The following KCNMB2 variants were observed in gnomAD, a reference collection of about 807,000 sequenced individuals.
KCNMB2 encodes the protein calcium-activated potassium channel subunit beta-2.
Under a neutral mutation model 24.5 loss-of-function variants are expected in KCNMB2, and 9 were observed. The ratio of observed to expected loss-of-function variants is 0.37; its 90% CI spans 0.22 to 0.64. The LOEUF is 0.64. KCNMB2 is among the 30% of genes least tolerant of loss of function. The pLI, the probability that KCNMB2 is intolerant of heterozygous loss-of-function variation, is 0.63. For synonymous variants in KCNMB2, 109 were observed against 104.4 expected (o/e 1.04, Z -0.27); for missense variants, 226 against 284.3 (o/e 0.79, Z 1.47).
Position 178,573,234 on chromosome 3 carries a change from C to A in KCNMB2, c.-68+36523C>A, listed in dbSNP as rs534290479. Among the ~76,000 whole-genome samples, 6 of 152,144 alleles carry A rather than the reference C, an allele frequency of 3.9e-5. No homozygotes were observed. The South Asian group carries it at 8.3e-4, about 21-fold the overall frequency. ...ATGTTGACCAGGCTAGTCTCGAATT[C>A]CTGACCTCAGGTGATCCACCTGCTT... On this transcript the variant is annotated intron_variant, in intron 1 of 4. Coordinates refer to ENST00000452583, the MANE Select transcript of KCNMB2 (RefSeq NM_181361.3).
intron 1 of KCNMB2, among the ~76,000 whole-genome samples, chr3:178,550,457 C>CAAAAAA (rs71671909): frequency 1.1e-4 from 5 of 46,018 alleles, no homozygotes; most frequent in Admixed American, 2.9e-4. Context: ...GACTCCGTCT[C>CAAAAAA]AAAAAAAAAA....
intron 1 of KCNMB2, among the ~76,000 whole-genome samples, chr3:178,559,792 T>C (rs1042173271): frequency 4.0e-5 from 6 of 150,894 alleles, no homozygotes; most frequent in African/African-American, 1.5e-4. Context: ...AAAATGATTA[T>C]TAATAGCCTG....
chr3:178,693,787 C>T (rs1721768354), intron 1 of KCNMB2, among the ~76,000 whole-genome samples: 1 of 152,036 alleles, frequency 6.6e-6, no homozygotes, highest in Non-Finnish European at 1.5e-5. Flanking sequence ...GCCCCTAGTC[C>T]TCAATATTTT....
chr3:178,574,413 T>C (rs1165619406), intron 1 of KCNMB2, among the ~76,000 whole-genome samples: 1 of 152,256 alleles, frequency 6.6e-6, no homozygotes, highest in Non-Finnish European at 1.5e-5. Flanking sequence ...TAAGTATTTC[T>C]TCATGTTCAA....
At chr3:178,835,953 C>T (rs551931129) in intron 4 of KCNMB2, among the ~76,000 whole-genome samples, 34 of 152,088 alleles carry the variant, frequency 2.2e-4, no homozygotes, top group African/African-American at 8.2e-4. Context: ...TATATTGGAG[C>T]CAACAAATAT....
chr3:178,812,622 T>C (rs1446977700), intron 2 of KCNMB2, among the ~76,000 whole-genome samples: 2 of 152,218 alleles, frequency 1.3e-5, no homozygotes, highest in East Asian at 3.9e-4. Context: ...CAATTACGTA[T>C]TTAATCATCT....
chr3:178,736,749 T>C (rs1335024199), intron 1 of KCNMB2, among the ~76,000 whole-genome samples: 1 of 152,214 alleles, frequency 6.6e-6, no homozygotes, highest in East Asian at 1.9e-4. Context: ...CTGATACTAA[T>C]GAAATATGTT....
intron 1 of KCNMB2, among the ~76,000 whole-genome samples, chr3:178,608,236 A>T (rs966805804): frequency 2.0e-5 from 3 of 152,242 alleles, no homozygotes; most frequent in Non-Finnish European, 4.4e-5. Context: ...CAAGGATGCA[A>T]GAGCATTTTA....
chr3:178,740,425 A>G (rs974111379), intron 1 of KCNMB2, among the ~76,000 whole-genome samples: 4 of 152,092 alleles, frequency 2.6e-5, no homozygotes, highest in African/African-American at 9.7e-5. Flanking sequence ...TGGCCCCCGT[A>G]AACATTTTTT....
intron 4 of KCNMB2, 36 bp from the exon 5 acceptor site, chr3:178,842,617 G>T: frequency 4.2e-6 from 6 of 1,416,758 alleles, no homozygotes; most frequent in Non-Finnish European, 5.9e-6. Context: ...AACACACATA[G>T]TATCTTCTAG....
At chr3:178,540,366 C>G (rs1715575741) in intron 1 of KCNMB2, among the ~76,000 whole-genome samples, 1 of 152,194 alleles carries the variant, frequency 6.6e-6, no homozygotes. Flanking sequence ...CCTCCCTTCT[C>G]CCACCCACAC....
At chr3:178,542,357 T>C (rs1715648245) in intron 1 of KCNMB2, among the ~76,000 whole-genome samples, 1 of 152,194 alleles carries the variant, frequency 6.6e-6, no homozygotes, top group South Asian at 2.1e-4. Flanking sequence ...TATACCACTT[T>C]CCCATTAGAG....
chr3:178,698,892 C>T (rs944189123), intron 1 of KCNMB2, among the ~76,000 whole-genome samples: 3 of 152,238 alleles, frequency 2.0e-5, no homozygotes, highest in Non-Finnish European at 2.9e-5. Context: ...CAACCCTCAG[C>T]TCCCAACTGC....
chr3:178,841,142 T>C (rs1373355930), intron 4 of KCNMB2, among the ~76,000 whole-genome samples: 1 of 152,230 alleles, frequency 6.6e-6, no homozygotes, highest in Non-Finnish European at 1.5e-5. Context: ...AAGTTCCACA[T>C]ATTTCTATGG....
At chr3:178,765,324 C>G (rs1370535116) in intron 1 of KCNMB2, among the ~76,000 whole-genome samples, 1 of 152,190 alleles carries the variant, frequency 6.6e-6, no homozygotes, top group African/African-American at 2.4e-5. Context: ...TAGTATAGAC[C>G]CGACTTTAAG....
At chr3:178,547,086 G>A (rs1715798641) in intron 1 of KCNMB2, among the ~76,000 whole-genome samples, 1 of 152,228 alleles carries the variant, frequency 6.6e-6, no homozygotes, top group Non-Finnish European at 1.5e-5. Context: ...CTCCAGAATG[G>A]ATTAATGCCA....
intron 1 of KCNMB2, among the ~76,000 whole-genome samples, chr3:178,602,225 AC>A (rs990781769): frequency 1.4e-5 from 2 of 139,640 alleles, no homozygotes; most frequent in African/African-American, 5.2e-5. Flanking sequence ...AGGGTAACTA[AC>A]TATCTCCTAT....
intron 1 of KCNMB2, among the ~76,000 whole-genome samples, chr3:178,539,726 A>T (rs1576997596): frequency 6.6e-6 from 1 of 151,760 alleles, no homozygotes; most frequent in East Asian, 1.9e-4. Flanking sequence ...AGAGAGAGAG[A>T]GAGTGTGTGT....
chr3:178,624,716 C>T (rs1719047330), intron 1 of KCNMB2, among the ~76,000 whole-genome samples: 1 of 149,786 alleles, frequency 6.7e-6, no homozygotes, highest in African/African-American at 2.5e-5. Flanking sequence ...AATGTGCAAA[C>T]TCACTTGGGG....
Sources: gnomAD v4.1 joint callset for allele counts (sites outside exome capture counted in the v4.1 genomes callset) on GRCh38, gnomAD v4.1.1 for gene constraint, MANE v1.5 for transcripts, NCBI Gene and HGNC (gene_info 2026-07-23, HGNC 2026-07-21) for gene names.